GRID2: variants seen among roughly 807,000 people sequenced by gnomAD.
GRID2 encodes glutamate ionotropic receptor delta type subunit 2.
A neutral mutation model predicts 114.8 loss-of-function variants in GRID2; 33 were observed. The observed-to-expected ratio is 0.29, with a 90% CI of 0.22 to 0.38. The LOEUF is 0.38. GRID2 is among the 10% of genes least tolerant of loss of function. The pLI is 1.00. For missense variants in GRID2, 1,184 were observed against 1,257.7 expected (o/e 0.94, Z 0.89); for synonymous variants, 505 against 449.9 (o/e 1.12, Z -1.55).
intron 2 of GRID2, among the ~76,000 whole-genome samples, chr4:92,717,223 C>A (rs1268980473): frequency 2.6e-5 from 4 of 152,100 alleles, no homozygotes; most frequent in Admixed American, 6.6e-5. Flanking sequence ...ACTTTTCTGA[C>A]CTGAGACTAT....
intron 2 of GRID2, among the ~76,000 whole-genome samples, chr4:92,783,402 A>T (rs777108450): frequency 9.2e-5 from 14 of 152,118 alleles, no homozygotes; most frequent in Non-Finnish European, 1.6e-4. Flanking sequence ...TCCTTACTAG[A>T]TATTGCCTTT....
At chr4:92,616,858 T>C (rs1438109281) in intron 2 of GRID2, among the ~76,000 whole-genome samples, 1 of 151,544 alleles carries the variant, frequency 6.6e-6, no homozygotes, top group Non-Finnish European at 1.5e-5. Flanking sequence ...TTCTAGAGAA[T>C]CATTCTCTGC....
At chr4:92,873,733 A>G (rs1275802764) in intron 2 of GRID2, among the ~76,000 whole-genome samples, 1 of 151,988 alleles carries the variant, frequency 6.6e-6, no homozygotes, top group East Asian at 1.9e-4. Flanking sequence ...TTTTGTTTTG[A>G]GATGGAATTT....
chr4:93,786,397 G>A (rs1734592683), intron 1 of GRID2, among the ~76,000 whole-genome samples: 1 of 152,174 alleles, frequency 6.6e-6, no homozygotes, highest in Admixed American at 6.5e-5. Context: ...GGAGACACTT[G>A]AGCACATTTA....
At chr4:92,372,203 G>T (rs1404466114) in intron 1 of GRID2, among the ~76,000 whole-genome samples, 1 of 152,146 alleles carries the variant, frequency 6.6e-6, no homozygotes, top group East Asian at 1.9e-4. Context: ...TAGATTTAGA[G>T]TATTTAATTA....
chr4:92,880,774 T>C (rs1745945678), intron 2 of GRID2, among the ~76,000 whole-genome samples: 1 of 152,106 alleles, frequency 6.6e-6, no homozygotes, highest in African/African-American at 2.4e-5. Context: ...CAGGCTGGAG[T>C]GCAATGACGC....
intron 1 of GRID2, among the ~76,000 whole-genome samples, chr4:92,338,621 T>G (rs1727309650): frequency 6.6e-6 from 1 of 152,102 alleles, no homozygotes; most frequent in African/African-American, 2.4e-5. Context: ...AGAATTGTTC[T>G]GAAACATAGC....
chr4:93,061,103 A>AAAATAAAT lies in GRID2; in HGVS notation c.245-23858_245-23851dup, dbSNP rs58943728. ...GGGCAACAGAGCAAGACTCCATCTC[A>AAAATAAAT]AAATAAATAAATAAATAAATAAATA... On this transcript the variant is annotated intron_variant, in intron 2 of 15. Coordinates refer to ENST00000282020, the MANE Select transcript of GRID2 (RefSeq NM_001510.4). Among the ~76,000 whole-genome samples the AAAATAAAT allele has an allele frequency of 4.8e-3, 693 of 143,944 alleles. 3 individuals carry two copies. The highest frequency in any genetic ancestry group is 0.014 in the African/African-American group (536 of 38,152). 94.4% of individuals were successfully genotyped at this position (143,944 alleles called of 152,430 possible). A position where few individuals can be genotyped will look rare whatever the true frequency, so the allele number is the denominator to read the frequency against.
chr4:92,443,094 A>G (rs1283363242), intron 1 of GRID2, among the ~76,000 whole-genome samples: 4 of 152,096 alleles, frequency 2.6e-5, no homozygotes, highest in East Asian at 3.9e-4. Context: ...TGGGGTTGGT[A>G]CTGAGGGGAC....
intron 4 of GRID2, among the ~76,000 whole-genome samples, chr4:93,139,033 AC>A (rs1261238894): frequency 6.6e-6 from 1 of 152,132 alleles, no homozygotes; most frequent in Admixed American, 6.5e-5. Flanking sequence ...ATCCTTCAAG[AC>A]TCAGGTTGTA....
chr4:92,600,805 G>A (rs1729184279), intron 2 of GRID2, among the ~76,000 whole-genome samples: 1 of 152,206 alleles, frequency 6.6e-6, no homozygotes. Context: ...ATGCTAGCAG[G>A]AATGCTCCTG....
intron 2 of GRID2, among the ~76,000 whole-genome samples, chr4:93,040,565 A>G (rs964800494): frequency 6.6e-6 from 1 of 152,164 alleles, no homozygotes; most frequent in Admixed American, 6.5e-5. Context: ...ACCAGAATTC[A>G]TCAGAATGGA....
At chr4:92,512,463 A>G (rs979192265) in intron 1 of GRID2, among the ~76,000 whole-genome samples, 2 of 151,910 alleles carry the variant, frequency 1.3e-5, no homozygotes, top group Non-Finnish European at 2.9e-5. Context: ...GTCAGCCAGT[A>G]AAGAATCTGG....
At chr4:92,333,870 C>A (rs982402247) in intron 1 of GRID2, among the ~76,000 whole-genome samples, 3 of 152,160 alleles carry the variant, frequency 2.0e-5, no homozygotes, top group African/African-American at 4.8e-5. Flanking sequence ...TCTTGGACTA[C>A]ATGCATGTGC....
intron 4 of GRID2, among the ~76,000 whole-genome samples, chr4:93,165,701 T>C (rs1358595239): frequency 6.6e-6 from 1 of 152,082 alleles, no homozygotes; most frequent in South Asian, 2.1e-4. Context: ...GAGCTGAGTC[T>C]TATCAACAAT....
At position 92,352,340 on chromosome 4, in the gene GRID2, T is replaced by TTTA. The variant is rs138987661; in HGVS notation, c.88+47622_88+47624dup. Among the ~76,000 whole-genome samples the TTTA allele has an allele frequency of 5.2e-3, 772 of 147,126 alleles. 7 individuals carry two copies. The highest frequency in any genetic ancestry group is 0.015 in the East Asian group (75 of 5,008). ...CTTGCCAAATGTTAAATTGGATTAT[T>TTTA]TTATTATTATTATTATTATTATTAT... On this transcript the variant is annotated intron_variant, in intron 1 of 15. Coordinates refer to ENST00000282020, the MANE Select transcript of GRID2 (RefSeq NM_001510.4).
intron 2 of GRID2, among the ~76,000 whole-genome samples, chr4:92,787,579 GGTAACCTTAA>G (rs1739377794): frequency 6.6e-6 from 1 of 151,814 alleles, no homozygotes; most frequent in Admixed American, 6.6e-5. Flanking sequence ...ATGATGTGGA[GGTAACCTTAA>G]ATGATGGCAT....
At chr4:93,261,157 A>T (rs953086704) in intron 8 of GRID2, among the ~76,000 whole-genome samples, 1 of 151,898 alleles carries the variant, frequency 6.6e-6, no homozygotes, top group African/African-American at 2.4e-5. Flanking sequence ...ACATGTTAAA[A>T]AAAAACATCA....
intron 2 of GRID2, among the ~76,000 whole-genome samples, chr4:92,609,945 CACTATTATCTGTT>C (rs1334707205): frequency 6.6e-6 from 1 of 151,612 alleles, no homozygotes; most frequent in Non-Finnish European, 1.5e-5. Context: ...TGTGGATTAT[CACTATTATCTGTT>C]ACCATAATTT....
Sources: allele counts gnomAD v4.1 joint callset (sites outside exome capture counted in the v4.1 genomes callset), GRCh38; gene constraint gnomAD v4.1.1; transcripts MANE v1.5; gene names NCBI Gene and HGNC (gene_info 2026-07-23, HGNC 2026-07-21).